The following PCSK2 variants were observed in gnomAD, a reference collection of about 807,000 sequenced individuals.
PCSK2 encodes neuroendocrine convertase 2.
PCSK2 carries 14 observed loss-of-function variants against 69.7 expected under a neutral mutation model. That is an observed-to-expected ratio of 0.20 (90% CI 0.13 to 0.31). The LOEUF (loss-of-function observed/expected upper bound fraction) is 0.31. Ranked by LOEUF, PCSK2 falls within the 10% of genes least tolerant of loss-of-function variation. The pLI is 1.00. For synonymous variants in PCSK2, 307 were observed against 320.7 expected (o/e 0.96, Z 0.46); for missense variants, 544 against 842.5 (o/e 0.65, Z 4.39).
At chr20:17,293,126 T>C (rs1352767885) in intron 2 of PCSK2, among the ~76,000 whole-genome samples, 1 of 152,166 alleles carries the variant, frequency 6.6e-6, no homozygotes, top group Non-Finnish European at 1.5e-5. Context: ...CACTCGGCCC[T>C]TATTACATTT....
At chr20:17,420,994 A>G (rs2032112913) in intron 6 of PCSK2, among the ~76,000 whole-genome samples, 1 of 152,190 alleles carries the variant, frequency 6.6e-6, no homozygotes, top group Non-Finnish European at 1.5e-5. Flanking sequence ...ACGACAAAGA[A>G]AAGTAGGAGA....
rs1471755671 is a variant in PCSK2, at chr20:17,484,503, C to T, written c.*2433C>T. On this transcript the variant is annotated 3_prime_UTR_variant, in exon 12 of 12. Transcript: ENST00000262545. Reference sequence around the variant, plus strand: ...AGGTTAACATTGTTGCTCCCTGTGACAAAATTTTATAAGCAAATTTCAAAA... The same window carrying T: ...AGGTTAACATTGTTGCTCCCTGTGATAAAATTTTATAAGCAAATTTCAAAA... The T allele has an allele frequency of 1.3e-5, 2 of 152,320 alleles. No homozygotes were observed. The highest frequency in any genetic ancestry group is 4.8e-5 in the African/African-American group (2 of 41,384). The allele number at this position is 152,320 out of a possible 1,614,324, so 9.4% of individuals were successfully genotyped here.
intron 2 of PCSK2, among the ~76,000 whole-genome samples, chr20:17,352,995 A>G (rs889147706): frequency 5.4e-5 from 8 of 148,994 alleles, no homozygotes; most frequent in African/African-American, 1.7e-4. Context: ...CAAATCAACA[A>G]AAAAAAAATC....
intron 5 of PCSK2, among the ~76,000 whole-genome samples, chr20:17,403,576 C>A (rs1380922998): frequency 6.6e-6 from 1 of 152,214 alleles, no homozygotes; most frequent in Non-Finnish European, 1.5e-5. Context: ...GAGCTCATTT[C>A]TCTTTCATTA....
rs750651962 is a variant in PCSK2 at position 17,369,226 on chromosome 20, T to A, written c.506-14T>A. Reference sequence around the variant, plus strand: ...TTAACCTTTGGTTCCTGTGTTATTGTTGTCTTTTCACAGGGATTGACTATC... The same window carrying A: ...TTAACCTTTGGTTCCTGTGTTATTGATGTCTTTTCACAGGGATTGACTATC... On this transcript the variant is annotated splice_polypyrimidine_tract_variant and intron_variant, in intron 4 of 11. Transcript: ENST00000262545. 1 of 1,612,738 alleles carries A rather than the reference T, an allele frequency of 6.2e-7. No individual in the cohort carries two copies. The highest frequency in any genetic ancestry group is 8.5e-7 in the Non-Finnish European group (1 of 1,178,992).
At chr20:17,364,697 A>T (rs1376394120) in intron 4 of PCSK2, among the ~76,000 whole-genome samples, 5 of 152,200 alleles carry the variant, frequency 3.3e-5, no homozygotes, top group Admixed American at 3.3e-4. Flanking sequence ...TCCAACCCCA[A>T]CACTTAGCAG....
chr20:17,327,606 G>A (rs1356382420), intron 2 of PCSK2, among the ~76,000 whole-genome samples: 1 of 152,156 alleles, frequency 6.6e-6, no homozygotes, highest in African/African-American at 2.4e-5. Flanking sequence ...CGCTGCCATG[G>A]CAACGCGGCG....
At chr20:17,313,585 C>G (rs921485834) in intron 2 of PCSK2, among the ~76,000 whole-genome samples, 2 of 152,256 alleles carry the variant, frequency 1.3e-5, no homozygotes, top group South Asian at 2.1e-4. Context: ...TTCTCCCCCT[C>G]ATCAACCTCA....
chr20:17,278,320 C>T (rs1373528568), intron 2 of PCSK2, among the ~76,000 whole-genome samples: 1 of 152,078 alleles, frequency 6.6e-6, no homozygotes, highest in African/African-American at 2.4e-5. Flanking sequence ...GGAATGAACC[C>T]AAATGTCCAA....
intron 2 of PCSK2, among the ~76,000 whole-genome samples, chr20:17,325,298 A>C (rs1990008289): frequency 1.3e-5 from 2 of 152,162 alleles, no homozygotes; most frequent in African/African-American, 4.8e-5. Context: ...GTGAATGAAC[A>C]CATTTATAAG....
chr20:17,308,630 A>G (rs1326031662), intron 2 of PCSK2, among the ~76,000 whole-genome samples: 2 of 152,348 alleles, frequency 1.3e-5, no homozygotes, highest in East Asian at 1.9e-4. Context: ...TAAAACAACA[A>G]TGGTTTATTT....
chr20:17,260,323 G>A lies in PCSK2; in HGVS notation c.261G>A (p.Gln87=). 1 of 1,613,042 alleles carries A rather than the reference G, an allele frequency of 6.2e-7. No individual in the cohort carries two copies. The highest frequency in any genetic ancestry group is 8.5e-7 in the Non-Finnish European group (1 of 1,178,992). ...GAAGACGCAGCCTACACCACAAGCA[G>A]CAGCTGGAGAGAGACCCCAGGGTGA... ...AKRRRSLHHK[Q]QLERDPRVKM... The change falls in exon 2 of 12, where the codon CAG becomes CAA. Residue 87 remains glutamine (Q), a synonymous_variant. Coordinates refer to ENST00000262545, the MANE Select transcript of PCSK2 (RefSeq NM_002594.5).
At chr20:17,275,016 T>C (rs1045929737) in intron 2 of PCSK2, among the ~76,000 whole-genome samples, 3 of 151,296 alleles carry the variant, frequency 2.0e-5, no homozygotes, top group African/African-American at 7.3e-5. Context: ...GTCTTAGTTT[T>C]ATAGTTGTAT....
At chr20:17,400,097 A>C (rs1043076048) in intron 5 of PCSK2, among the ~76,000 whole-genome samples, 1 of 152,190 alleles carries the variant, frequency 6.6e-6, no homozygotes, top group Admixed American at 6.5e-5. Context: ...AATATATTTC[A>C]TGTGCTCCCC....
chr20:17,371,253 G>C (rs946621489), intron 5 of PCSK2, among the ~76,000 whole-genome samples: 2 of 152,194 alleles, frequency 1.3e-5, no homozygotes, highest in Admixed American at 1.3e-4. Context: ...AGCCCAGGCA[G>C]TTCCTGTCAG....
At chr20:17,331,198 C>A (rs73900212) in intron 2 of PCSK2, among the ~76,000 whole-genome samples, 4,542 of 152,214 alleles carry the variant, frequency 0.03, 185 homozygotes, top group African/African-American at 0.088. Context: ...CTCTTCCAGC[C>A]CACTCCTTGT....
intron 1 of PCSK2, among the ~76,000 whole-genome samples, chr20:17,242,415 A>G (rs1043347998): frequency 3.3e-5 from 5 of 152,236 alleles, no homozygotes; most frequent in African/African-American, 1.2e-4. Flanking sequence ...GATGAGGCAC[A>G]TTGAAAGGGG....
In PCSK2 at chr20:17,436,875, G is replaced by T; in HGVS notation, c.877G>T (p.Val293Leu). The T allele has an allele frequency of 6.2e-7, 1 of 1,609,338 alleles. No homozygotes were observed. Among genetic ancestry groups the T allele is most frequent in the Non-Finnish European group, 8.5e-7 (1 of 1,178,152 alleles). ...CACGCTGCAGGCCATGGCCGATGGC[G>T]TGAACAAGGTAAGGGGGCCGGCCCC... ...ELTLQAMADG[V>L]NKGRGGKGSI... The change falls in exon 8 of 12, where the codon GTG becomes TTG. Residue 293 changes from valine to leucine, a missense_variant. By Grantham distance (32) the Val-to-Leu change is conservative. Coordinates refer to ENST00000262545, the MANE Select transcript of PCSK2 (RefSeq NM_002594.5).
chr20:17,295,834 G>A (rs1988874311), intron 2 of PCSK2, among the ~76,000 whole-genome samples: 1 of 152,120 alleles, frequency 6.6e-6, no homozygotes, highest in Non-Finnish European at 1.5e-5. Context: ...GGGATTACAT[G>A]TGTGAGCCAC....
Sources: allele counts gnomAD v4.1 joint callset (sites outside exome capture counted in the v4.1 genomes callset), GRCh38; gene constraint gnomAD v4.1.1; transcripts MANE v1.5; gene names NCBI Gene and HGNC (gene_info 2026-07-23, HGNC 2026-07-21).